UNC13B: variants seen among roughly 807,000 people sequenced by gnomAD.
UNC13B encodes the protein protein unc-13 homolog B.
In UNC13B, 144 loss-of-function variants were observed where a neutral mutation model predicts 211.0. That is an observed-to-expected ratio of 0.68 (90% CI 0.60 to 0.78). The LOEUF (loss-of-function observed/expected upper bound fraction) is 0.78. UNC13B is among the 30% of genes least tolerant of loss of function. The pLI, the probability that UNC13B is intolerant of heterozygous loss-of-function variation, is 0.00. For synonymous variants in UNC13B, 709 were observed against 725.8 expected, an observed-to-expected ratio of 0.98 and a Z score of 0.37; for missense variants, 1,777 against 2,002.0, an observed-to-expected ratio of 0.89 and a Z score of 2.14.
At chr9:35,181,411 A>G (rs1355503912) in intron 1 of UNC13B, among the ~76,000 whole-genome samples, 1 of 152,198 alleles carries the variant, frequency 6.6e-6, no homozygotes, top group Non-Finnish European at 1.5e-5. Flanking sequence ...AGTAACTGAG[A>G]TATGACCTGA....
rs377675733 is a variant in UNC13B, at chr9:35,380,668, T to C, written c.10375+29T>C. 22 of 1,613,588 alleles carry C rather than the reference T, an allele frequency of 1.4e-5. No individual in the cohort carries two copies. In the African/African-American group the frequency reaches 2.9e-4, roughly 22 times the overall value. On this transcript the variant is annotated intron_variant, in intron 18 of 39. Coordinates refer to ENST00000635942, the MANE Select transcript of UNC13B (RefSeq NM_001371189.2). ...AGGAAACTGGACCCGAGAAAGTTGC[T>C]TGGAAGGGAAAGCATGAAGGGGACC...
chr9:35,330,530 A>G (rs1213766845), intron 11 of UNC13B, among the ~76,000 whole-genome samples: 1 of 152,196 alleles, frequency 6.6e-6, no homozygotes, highest in Non-Finnish European at 1.5e-5. Context: ...CAATGAGGCT[A>G]TTTGGTATGT....
At chr9:35,235,783 G>A (rs1035059132) in intron 3 of UNC13B, among the ~76,000 whole-genome samples, 3 of 152,148 alleles carry the variant, frequency 2.0e-5, no homozygotes, top group East Asian at 1.9e-4. Context: ...TCCTGTATAC[G>A]ATGTGTAGTT....
At chr9:35,332,937 A>G (rs1279643414) in intron 11 of UNC13B, among the ~76,000 whole-genome samples, 1 of 152,240 alleles carries the variant, frequency 6.6e-6, no homozygotes, top group African/African-American at 2.4e-5. Flanking sequence ...GTTCAAAAAC[A>G]GGAAAAAGTA....
intron 1 of UNC13B, among the ~76,000 whole-genome samples, chr9:35,191,474 T>A (rs559169244): frequency 9.7e-4 from 148 of 152,282 alleles, no homozygotes; most frequent in African/African-American, 3.4e-3. Context: ...CTTCCTAAGA[T>A]ATACTTCCCT....
intron 11 of UNC13B, chr9:35,351,653 G>T (rs1832727048): frequency 8.1e-7 from 1 of 1,232,274 alleles, no homozygotes; most frequent in Admixed American, 4.2e-5. Flanking sequence ...CTCTGGCCCT[G>T]CTGGATCCTT....
intron 5 of UNC13B, among the ~76,000 whole-genome samples, chr9:35,238,909 ATTT>A (rs200109307): frequency 2.9e-5 from 4 of 138,880 alleles, no homozygotes; most frequent in Non-Finnish European, 6.3e-5. Flanking sequence ...GGGTTTTTTC[ATTT>A]TTTTTTTTTT....
chr9:35,184,315 G>A (rs1006339059), intron 1 of UNC13B, among the ~76,000 whole-genome samples: 5 of 152,218 alleles, frequency 3.3e-5, no homozygotes, highest in Non-Finnish European at 4.4e-5. Context: ...GGTGGTGGCC[G>A]GGCAGAGGCT....
rs57116071 is a variant in UNC13B at position 35,174,133 on chromosome 9, C to CCTCT, written c.22+11841_22+11844dup. ...ACAGGGAGCTGAAAGTCTTCCTAGA[C>CCTCT]CTCTCTCTCTCTCTCTTTTTTTGAG... is the stretch of plus-strand genomic sequence containing the variant. On this transcript the variant is annotated intron_variant, in intron 1 of 39. Coordinates refer to ENST00000635942, the MANE Select transcript of UNC13B (RefSeq NM_001371189.2). Among the ~76,000 whole-genome samples the CCTCT allele has an allele frequency of 2.3e-4, 35 of 149,850 alleles. No homozygotes were observed. The East Asian group carries it at 5.1e-3, about 22-fold the overall frequency.
Position 35,402,618 on chromosome 9 carries a change from G to T in UNC13B, c.12485-549G>T, listed in dbSNP as rs2083772517. 2.0e-5 allele frequency among the ~76,000 whole-genome samples: 3 copies of T among 152,096 alleles called. No homozygotes were observed. In the South Asian group the frequency reaches 6.2e-4, roughly 32 times the overall value. On this transcript the variant is annotated intron_variant, in intron 37 of 39. Coordinates refer to ENST00000635942, the MANE Select transcript of UNC13B (RefSeq NM_001371189.2). ...TAAAATAGGGTGGGGTCTCTGCTAA[G>T]GGGAGCCTGTAGATTGGCTCTTTTC... is the stretch of plus-strand genomic sequence containing the variant.
At chr9:35,193,902 C>T (rs1311265826) in intron 1 of UNC13B, among the ~76,000 whole-genome samples, 1 of 152,034 alleles carries the variant, frequency 6.6e-6, no homozygotes. Context: ...TGAAGAGGAT[C>T]CCTGTTTCAC....
intron 8 of UNC13B, among the ~76,000 whole-genome samples, chr9:35,297,590 C>T (rs1344582844): frequency 9.1e-6 from 1 of 109,948 alleles, no homozygotes; most frequent in East Asian, 2.3e-4. Flanking sequence ...CGCTCTTTCG[C>T]CCAGGCCGGA....
chr9:35,347,929 G>A (rs1056997064), intron 11 of UNC13B, among the ~76,000 whole-genome samples: 6 of 152,036 alleles, frequency 3.9e-5, no homozygotes, highest in African/African-American at 1.2e-4. Context: ...TAAGGTGTCC[G>A]GGAAATGAGG....
intron 3 of UNC13B, among the ~76,000 whole-genome samples, chr9:35,233,767 G>A (rs1327067687): frequency 6.6e-6 from 1 of 152,100 alleles, no homozygotes; most frequent in Non-Finnish European, 1.5e-5. Flanking sequence ...CTATTTGTGT[G>A]CATTTGTGTA....
intron 11 of UNC13B, among the ~76,000 whole-genome samples, chr9:35,328,187 AT>A (rs1329748435): frequency 6.6e-6 from 1 of 151,486 alleles, no homozygotes; most frequent in Admixed American, 6.6e-5. Context: ...TGCCCAGCTA[AT>A]TTTTTTTGTA....
intron 1 of UNC13B, among the ~76,000 whole-genome samples, chr9:35,163,982 C>T (rs1326837565): frequency 1.3e-5 from 2 of 152,132 alleles, no homozygotes; most frequent in Admixed American, 6.6e-5. Context: ...TTTGGGAAAA[C>T]TTACAGAAAT....
chr9:35,216,590 C>T (rs1481495001), intron 1 of UNC13B, among the ~76,000 whole-genome samples: 1 of 152,126 alleles, frequency 6.6e-6, no homozygotes, highest in Admixed American at 6.5e-5. Flanking sequence ...TGGACAATAA[C>T]CACGCTACTC....
At chr9:35,184,445 C>T (rs1039072494) in intron 1 of UNC13B, among the ~76,000 whole-genome samples, 9 of 152,168 alleles carry the variant, frequency 5.9e-5, no homozygotes, top group Non-Finnish European at 1.0e-4. Context: ...AGCGAGACTC[C>T]GTCTGCAATC....
intron 10 of UNC13B, among the ~76,000 whole-genome samples, chr9:35,313,625 AAAATAAATAAAT>A (rs149145175): frequency 0.056 from 7,451 of 134,014 alleles, 336 homozygotes; most frequent in African/African-American, 0.12. Flanking sequence ...ACCCTGTCTC[AAAATAAATAAAT>A]AAATAAATAA....
Sources: allele counts gnomAD v4.1 joint callset (sites outside exome capture counted in the v4.1 genomes callset), GRCh38; gene constraint gnomAD v4.1.1; transcripts MANE v1.5; gene names NCBI Gene and HGNC (gene_info 2026-07-23, HGNC 2026-07-21).